Variants in MBIP observed in about 807,000 individuals in gnomAD.
MBIP encodes the protein MAP3K12-binding inhibitory protein 1.
MBIP carries 32 observed loss-of-function variants against 45.7 expected under a neutral mutation model. The ratio of observed to expected loss-of-function variants is 0.70; its 90% CI spans 0.53 to 0.94. The LOEUF (loss-of-function observed/expected upper bound fraction) is 0.94, where lower values mean the gene tolerates loss of function less well. MBIP is among the 40% of genes least tolerant of loss of function. The pLI is 0.00. For synonymous variants in MBIP, 145 were observed against 141.0 expected (o/e 1.03, Z -0.20); for missense variants, 381 against 405.5 (o/e 0.94, Z 0.52).
chr14:36,315,556 A>T (rs1474842207), intron 2 of MBIP, among the ~76,000 whole-genome samples: 1 of 152,106 alleles, frequency 6.6e-6, no homozygotes, highest in Non-Finnish European at 1.5e-5. Context: ...CAAGAAAAAA[A>T]AAAGATCTAT....
intron 8 of MBIP, 117 bp from the exon 9 acceptor site, chr14:36,299,307 T>C (rs1161556124): frequency 2.3e-5 from 16 of 682,444 alleles, no homozygotes; most frequent in African/African-American, 3.6e-5. Flanking sequence ...AAATGGTTTT[T>C]TTCCCTCATG....
intron 7 of MBIP, among the ~76,000 whole-genome samples, chr14:36,304,382 CTT>C (rs1879751582): frequency 6.6e-6 from 1 of 152,178 alleles, no homozygotes; most frequent in African/African-American, 2.4e-5. Flanking sequence ...AGTTCCTGCC[CTT>C]GAGAGTTTCA....
intron 7 of MBIP, among the ~76,000 whole-genome samples, chr14:36,302,203 T>C (rs1879600717): frequency 6.6e-6 from 1 of 152,164 alleles, no homozygotes; most frequent in Non-Finnish European, 1.5e-5. Context: ...GCAAATATAA[T>C]TGCCCTTGGC....
intron 7 of MBIP, among the ~76,000 whole-genome samples, chr14:36,306,760 T>C (rs1294560270): frequency 6.6e-6 from 1 of 152,204 alleles, no homozygotes; most frequent in Non-Finnish European, 1.5e-5. Context: ...CCTTCTTTAA[T>C]GAAGGCAGTT....
intron 2 of MBIP, among the ~76,000 whole-genome samples, chr14:36,315,934 AT>A (rs1264771250): frequency 8.7e-5 from 3 of 34,556 alleles, no homozygotes; most frequent in Non-Finnish European, 4.3e-4. Flanking sequence ...AAACTGACCA[AT>A]CCAGTTTTTC....
At chr14:36,309,767 T>C (rs541936641) in intron 6 of MBIP, among the ~76,000 whole-genome samples, 5 of 152,302 alleles carry the variant, frequency 3.3e-5, no homozygotes, top group Admixed American at 6.5e-5. Flanking sequence ...ACCTCTTCAT[T>C]CGCATAAAGG....
In MBIP at chr14:36,320,608, C is replaced by T. The variant is rs1594529450; in HGVS notation, c.-20G>A. ...AGCCATGATATCTTCTCAGGCCGCCCCACCACCACCACCACCAAGATTTGC... is the reference window on the plus strand; with the variant it reads ...AGCCATGATATCTTCTCAGGCCGCCTCACCACCACCACCACCAAGATTTGC... On this transcript the variant is annotated 5_prime_UTR_variant, in exon 1 of 9. Coordinates refer to ENST00000416007, the MANE Select transcript of MBIP (RefSeq NM_016586.3). 5 of 1,448,962 alleles carry T rather than the reference C, an allele frequency of 3.5e-6. No homozygotes were observed. The East Asian group carries it at 1.0e-4, about 29-fold the overall frequency. 89.8% of individuals were successfully genotyped at this position (1,448,962 alleles called of 1,614,324 possible).
intron 8 of MBIP, among the ~76,000 whole-genome samples, chr14:36,299,391 TA>T (rs1322861876): frequency 6.6e-6 from 1 of 151,986 alleles, no homozygotes; most frequent in Non-Finnish European, 1.5e-5. Flanking sequence ...TAACAAGGCT[TA>T]AATATTTCTT....
intron 6 of MBIP, among the ~76,000 whole-genome samples, chr14:36,309,471 C>CT (rs1257263443): frequency 6.6e-6 from 1 of 152,178 alleles, no homozygotes; most frequent in Non-Finnish European, 1.5e-5. Context: ...AGAGCTGGTG[C>CT]TTGATATTTA....
Position 36,314,749 on chromosome 14 carries a change from T to C in MBIP, c.416A>G (p.Lys139Arg). The C allele has an allele frequency of 6.2e-7, 1 of 1,613,688 alleles. No homozygotes were observed. The highest frequency in any genetic ancestry group is 8.5e-7 in the Non-Finnish European group (1 of 1,179,746). The change falls in exon 3 of 9, where the codon AAA becomes AGA. Residue 139 changes from lysine (K) to arginine (R), a missense_variant. By Grantham distance (26) the Lys-to-Arg change is conservative. Coordinates refer to ENST00000416007, the MANE Select transcript of MBIP (RefSeq NM_016586.3). The part of the protein sequence containing the change: ...KHKESDLRDV[K>R]KTQIHFDPEV... ...TGGATCAAAATGGATCTGTGTCTTT[T>C]TCACATCTCTTAAATCACTTTCTTT...
chr14:36,308,500 C>T lies in MBIP; in HGVS notation c.791-311G>A, dbSNP rs547829840. On this transcript the variant is annotated intron_variant, in intron 6 of 8. Transcript: ENST00000416007. ...TAGAACAATTTATATTTCTGATATG[C>T]TTTGATAGTTACATGGGAGGACAAA... Among the ~76,000 whole-genome samples the T allele has an allele frequency of 3.3e-5, 5 of 152,182 alleles. No homozygotes were observed. The South Asian group carries it at 6.2e-4, about 19-fold the overall frequency.
chr14:36,313,578 G>C (rs926077656), intron 4 of MBIP: 4 of 152,056 alleles, frequency 2.6e-5, no homozygotes, highest in Non-Finnish European at 5.9e-5. Flanking sequence ...TGTTGCACCT[G>C]TTCTGAAAAG....
chr14:36,316,301 T>G (rs1462766978), intron 2 of MBIP, among the ~76,000 whole-genome samples: 1 of 152,134 alleles, frequency 6.6e-6, no homozygotes, highest in African/African-American at 2.4e-5. Context: ...GCTGGGATAA[T>G]GCCCCTTCTT....
chr14:36,308,272 G>A, intron 6 of MBIP, 83 bp from the exon 7 acceptor site: 2 of 704,082 alleles, frequency 2.8e-6, no homozygotes, highest in Non-Finnish European at 4.8e-6. Flanking sequence ...ACCATGCAAA[G>A]ACACTTATGC....
In MBIP at chr14:36,314,673, G is replaced by A. The variant is rs375762801; in HGVS notation, c.474+18C>T. 2.5e-5 allele frequency: 40 copies of A among 1,608,664 alleles called. No individual in the cohort carries two copies. The Middle Eastern group carries it at 9.9e-4, about 40-fold the overall frequency. On this transcript the variant is annotated intron_variant, in intron 3 of 8. Coordinates refer to ENST00000416007, the MANE Select transcript of MBIP (RefSeq NM_016586.3). ...TTTAAAATAATACCCTCTCGCCCCC[G>A]CCAAAAAACCTTCTTACTTCTGCTT...
chr14:36,306,042 C>T (rs144977790), intron 7 of MBIP, among the ~76,000 whole-genome samples: 1 of 152,296 alleles, frequency 6.6e-6, no homozygotes, highest in African/African-American at 2.4e-5. Flanking sequence ...ATCGTGTTCA[C>T]AAATCACTTC....
chr14:36,315,001 A>C (rs1412233530), intron 2 of MBIP, 86 bp from the exon 3 acceptor site: 1 of 799,526 alleles, frequency 1.3e-6, no homozygotes, highest in Non-Finnish European at 2.0e-6. Flanking sequence ...ATTTCTGCTA[A>C]GTAAATGAAA....
chr14:36,315,496 T>C (rs985165874), intron 2 of MBIP, among the ~76,000 whole-genome samples: 33 of 151,460 alleles, frequency 2.2e-4, no homozygotes, highest in African/African-American at 8.0e-4. Context: ...TTTCCTGACA[T>C]GGCAAGATAT....
rs978481651 is a variant in MBIP at position 36,299,042 on chromosome 14, T to C, written c.*41A>G. ...TTAATAACAGTGTAAGTTACACATATGTATACAAAAAAGTAAAATGACAAG... is the reference window on the plus strand; with the variant it reads ...TTAATAACAGTGTAAGTTACACATACGTATACAAAAAAGTAAAATGACAAG... On this transcript the variant is annotated 3_prime_UTR_variant, in exon 9 of 9. Transcript: ENST00000416007. 7.4e-7 allele frequency: 1 copy of C among 1,344,928 alleles called. No individual in the cohort carries two copies. The highest frequency in any genetic ancestry group is 1.1e-6 in the Non-Finnish European group (1 of 935,178). The allele number at this position is 1,344,928 out of a possible 1,614,324, so 83.3% of individuals were successfully genotyped here.
Sources: gnomAD v4.1 joint callset for allele counts (sites outside exome capture counted in the v4.1 genomes callset) on GRCh38, gnomAD v4.1.1 for gene constraint, MANE v1.5 for transcripts, NCBI Gene and HGNC (gene_info 2026-07-23, HGNC 2026-07-21) for gene names.